The following PKD1L1 variants were observed in gnomAD, a reference collection of about 807,000 sequenced individuals.
PKD1L1 encodes the protein polycystin-1-like protein 1.
Under a neutral mutation model 323.4 loss-of-function variants are expected in PKD1L1, and 236 were observed. The ratio of observed to expected loss-of-function variants is 0.73; its 90% CI spans 0.66 to 0.81. The LOEUF is 0.81. Ranked by LOEUF, PKD1L1 falls within the 40% of genes least tolerant of loss-of-function variation. The pLI, the probability that PKD1L1 is intolerant of heterozygous loss-of-function variation, is 0.00. For missense variants in PKD1L1, 3,320 were observed against 3,508.0 expected (o/e 0.95, Z 1.35); for synonymous variants, 1,344 against 1,335.0 (o/e 1.01, Z -0.15).
chr7:47,838,916 C>T (rs1448355153), intron 36 of PKD1L1, among the ~76,000 whole-genome samples: 1 of 149,234 alleles, frequency 6.7e-6, no homozygotes, highest in Non-Finnish European at 1.5e-5. Flanking sequence ...GTGCAAAATG[C>T]ATGACATTAT....
At chr7:47,903,141 C>T (rs1787127826) in intron 12 of PKD1L1, among the ~76,000 whole-genome samples, 1 of 152,152 alleles carries the variant, frequency 6.6e-6, no homozygotes, top group Non-Finnish European at 1.5e-5. Context: ...GGTTATTTTG[C>T]AAATGTTGCA....
In PKD1L1 at chr7:47,943,414, C is replaced by T; in HGVS notation, c.142G>A (p.Gly48Arg). ...GCCTTACCGACCCACAATCCACCTCCAGGAGGGCTACAGCTGCACAGATGA... is the reference window on the plus strand; with the variant it reads ...GCCTTACCGACCCACAATCCACCTCTAGGAGGGCTACAGCTGCACAGATGA... ...GLHLCSCSPP[G>R]GGLWVEVYAN... Residue 48 changes from glycine to arginine, a missense_variant, in exon 2 of 57, where the codon GGA becomes AGA. Physicochemically the swap from Gly to Arg is moderately radical, Grantham distance 125 (BLOSUM62 -2). Coordinates refer to ENST00000289672, the MANE Select transcript of PKD1L1 (RefSeq NM_138295.5). The T allele has an allele frequency of 6.2e-7, 1 of 1,613,324 alleles. No individual in the cohort carries two copies.
At chr7:47,794,014 G>A (rs934335629) in intron 55 of PKD1L1, among the ~76,000 whole-genome samples, 1 of 152,182 alleles carries the variant, frequency 6.6e-6, no homozygotes, top group Non-Finnish European at 1.5e-5. Context: ...TTTCTAAGCA[G>A]CAAAGCATTC....
rs556604137 is a variant in PKD1L1, at chr7:47,831,224, C to A, written c.6466G>T (p.Ala2156Ser). The A allele has an allele frequency of 2.5e-6, 4 of 1,613,640 alleles. No individual in the cohort carries two copies. The highest frequency in any genetic ancestry group is 1.3e-5 in the African/African-American group (1 of 75,030). Residue 2156 changes from alanine to serine, a missense_variant, in exon 42 of 57, where the codon GCC becomes TCC. Physicochemically the swap from Ala to Ser is moderately conservative, Grantham distance 99. Transcript: ENST00000289672. ...LACSLGTGFL[A>S]YRFGQEQCVQ... is the part of the protein sequence containing the mutation. ...AAAAACTCTACAGCTCACCTGTAGG[C>A]TAGAAATCCTGTCCCCAAACTGCAG...
At position 47,908,166 on chromosome 7, in the gene PKD1L1, C is replaced by T; in HGVS notation, c.1313G>A (p.Gly438Asp). 1 of 1,614,214 alleles carries T rather than the reference C, an allele frequency of 6.2e-7. No individual in the cohort carries two copies. The highest frequency in any genetic ancestry group is 1.3e-5 in the African/African-American group (1 of 75,050). Residue 438 changes from glycine (G) to aspartate (D), a missense_variant, in exon 9 of 57, where the codon GGC becomes GAC. Transcript: ENST00000289672. ...VELGPYYVEI[G>D]HEAVSAFMNS... is the part of the protein sequence containing the mutation. The stretch of plus-strand genomic sequence containing the variant: ...CATGAACGCAGACACGGCCTCATGG[C>T]CAATCTCCACATAATAAGGCCCAAG...
intron 7 of PKD1L1, among the ~76,000 whole-genome samples, chr7:47,918,142 G>T (rs1348861525): frequency 6.6e-6 from 1 of 152,092 alleles, no homozygotes; most frequent in Non-Finnish European, 1.5e-5. Context: ...GGTAGAAAAA[G>T]ACATTTCATG....
chr7:47,898,008 T>C lies in PKD1L1; in HGVS notation c.2251A>G (p.Asn751Asp). ...ILPSHTLEYG[N>D]YTALAKVQIE... Reference sequence around the variant, plus strand: ...CTGACCTTGGCAAGGGCAGTGTAGTTCCCATACTCCAAGGTGTGGCTCGGG... The same window carrying C: ...CTGACCTTGGCAAGGGCAGTGTAGTCCCCATACTCCAAGGTGTGGCTCGGG... The change falls in exon 14 of 57, where the codon AAC becomes GAC. Residue 751 changes from asparagine (N) to aspartate (D), a missense_variant. Asn to Asp is a conservative substitution (Grantham distance 23, BLOSUM62 1). Coordinates refer to ENST00000289672, the MANE Select transcript of PKD1L1 (RefSeq NM_138295.5). 3 of 1,612,230 alleles carry C rather than the reference T, an allele frequency of 1.9e-6. No individual in the cohort carries two copies. Among genetic ancestry groups the C allele is most frequent in the Middle Eastern group, 4.1e-4 (2 of 4,932 alleles).
intron 20 of PKD1L1, 99 bp from the exon 21 acceptor site, chr7:47,880,904 G>A (rs1008802068): frequency 6.6e-5 from 58 of 873,550 alleles, no homozygotes; most frequent in Non-Finnish European, 1.4e-5. Flanking sequence ...TTCCCCCAGG[G>A]GTGAAATTAA....
rs746861298 is a variant in PKD1L1 at position 47,808,285 on chromosome 7, C to T, written c.7789G>A (p.Ala2597Thr). 5.6e-6 allele frequency: 9 copies of T among 1,614,044 alleles called. No individual in the cohort carries two copies. Among genetic ancestry groups the T allele is most frequent in the Non-Finnish European group, 1.7e-6 (2 of 1,180,042 alleles). ...GCCATAAGGGTGAGGTCCATAAATG[C>T]TCGGCAAAGTCCTCTGTGAAACTGG... ...TNQFHRGLCR[A>T]FMDLTLMASW... The change falls in exon 52 of 57, where the codon GCA (alanine) becomes ACA (threonine). Residue 2597 changes from alanine (A) to threonine (T), a missense_variant. Physicochemically the swap from Ala to Thr is moderately conservative, Grantham distance 58. Transcript: ENST00000289672.
chr7:47,795,400 C>T (rs1220884765), intron 55 of PKD1L1: 1 of 455,000 alleles, frequency 2.2e-6, no homozygotes, highest in South Asian at 1.6e-5. Flanking sequence ...AAGTGCCTTT[C>T]ACCTCCCACC....
At position 47,890,420 on chromosome 7, in the gene PKD1L1, G is replaced by C. The variant is rs180908269; in HGVS notation, c.2675+122C>G. Reference sequence around the variant, plus strand: ...GTCTTCTCCTCCTCCTTTGCAGTGAGAATCCTGCATGGCCAAACTCCAAAC... The same window carrying C: ...GTCTTCTCCTCCTCCTTTGCAGTGACAATCCTGCATGGCCAAACTCCAAAC... On this transcript the variant is annotated intron_variant, in intron 16 of 56. Transcript: ENST00000289672. 374 of 957,268 alleles carry C rather than the reference G, an allele frequency of 3.9e-4. 1 individual carries two copies. The African/African-American group carries it at 5.4e-3, about 14-fold the overall frequency. The allele number at this position is 957,268 out of a possible 1,614,324, so 59.3% of individuals were successfully genotyped here. A position where few individuals can be genotyped will look rare whatever the true frequency, so the allele number is the denominator to read the frequency against.
intron 55 of PKD1L1, chr7:47,795,335 A>G: frequency 2.2e-6 from 1 of 455,400 alleles, no homozygotes; most frequent in Non-Finnish European, 4.4e-6. Context: ...GATCATTTAT[A>G]ATGGGTTTCC....
At chr7:47,928,510 C>T (rs564912809) in intron 7 of PKD1L1, among the ~76,000 whole-genome samples, 48 of 152,196 alleles carry the variant, frequency 3.2e-4, no homozygotes, top group African/African-American at 1.1e-3. Context: ...GTGGAGGTTG[C>T]AGTGAGCCGA....
intron 31 of PKD1L1, among the ~76,000 whole-genome samples, chr7:47,849,758 C>T (rs917771550): frequency 2.6e-5 from 4 of 152,072 alleles, no homozygotes; most frequent in African/African-American, 9.7e-5. Flanking sequence ...ACTAGTACAA[C>T]AGAACCAACC....
chr7:47,794,509 A>C (rs1787028367), intron 55 of PKD1L1, among the ~76,000 whole-genome samples: 1 of 152,180 alleles, frequency 6.6e-6, no homozygotes, highest in Admixed American at 6.5e-5. Context: ...CTCAGCCTAG[A>C]TTTCAGAAGA....
chr7:47,784,064 C>T (rs973248087), intron 56 of PKD1L1, among the ~76,000 whole-genome samples: 1 of 152,162 alleles, frequency 6.6e-6, no homozygotes, highest in African/African-American at 2.4e-5. Context: ...GCCATTCTAG[C>T]ACACATCTAA....
At chr7:47,907,996 G>T in intron 9 of PKD1L1, 81 bp downstream of exon 9, 2 of 1,374,066 alleles carry the variant, frequency 1.5e-6, no homozygotes, top group Non-Finnish European at 2.0e-6. Flanking sequence ...GCTATAACTT[G>T]AACAGTATAA....
intron 56 of PKD1L1, among the ~76,000 whole-genome samples, chr7:47,775,956 C>G (rs944802325): frequency 6.6e-6 from 1 of 151,928 alleles, no homozygotes; most frequent in Non-Finnish European, 1.5e-5. Flanking sequence ...ACAACAACAA[C>G]AAAGACACAA....
intron 52 of PKD1L1, among the ~76,000 whole-genome samples, chr7:47,807,339 T>C (rs1784801234): frequency 6.6e-6 from 1 of 152,130 alleles, no homozygotes. Flanking sequence ...AGCCTCATCC[T>C]GCCTGGTTCT....
Sources: allele counts gnomAD v4.1 joint callset (sites outside exome capture counted in the v4.1 genomes callset), GRCh38; gene constraint gnomAD v4.1.1; transcripts MANE v1.5; gene names NCBI Gene and HGNC (gene_info 2026-07-23, HGNC 2026-07-21).